DPH6: variants seen among roughly 807,000 people sequenced by gnomAD.
The protein encoded by DPH6 is diphthamine biosynthesis 6.
DPH6 carries 33 observed loss-of-function variants against 38.2 expected under a neutral mutation model. That is an observed-to-expected ratio of 0.86 (90% CI 0.65 to 1.15). The LOEUF is 1.15. Ranked by LOEUF, DPH6 falls within the 50% of genes most tolerant of loss-of-function variation. The pLI is 0.00. For missense variants in DPH6, 325 were observed against 320.0 expected (o/e 1.02, Z -0.12); for synonymous variants, 108 against 103.0 (o/e 1.05, Z -0.30).
the DPH6 span, among the ~76,000 whole-genome samples, chr15:35,200,554 A>T: frequency 6.6e-6 from 1 of 152,116 alleles, no homozygotes; most frequent in Admixed American, 6.6e-5. Context: ...TATTTACTGC[A>T]TGCCTACTAT....
intron 3 of DPH6, among the ~76,000 whole-genome samples, chr15:35,477,424 C>T (rs1339708976): frequency 6.6e-6 from 1 of 151,666 alleles, no homozygotes; most frequent in East Asian, 1.9e-4. Context: ...AGGTATACTA[C>T]AAACATAGGT....
chr15:35,498,943 TAAAA>T (rs61542040), intron 3 of DPH6, among the ~76,000 whole-genome samples: 7 of 108,428 alleles, frequency 6.5e-5, no homozygotes, highest in African/African-American at 2.2e-4. Flanking sequence ...CCTCATCTCT[TAAAA>T]AAAAAAAAAA....
At chr15:35,315,836 C>A (rs138414266) in intron 3 of DPH6, among the ~76,000 whole-genome samples, 5 of 152,190 alleles carry the variant, frequency 3.3e-5, no homozygotes, top group African/African-American at 1.2e-4. Context: ...GGTATAGATA[C>A]ACAATGAAAT....
chr15:35,457,056 C>A (rs1056087338), intron 3 of DPH6, among the ~76,000 whole-genome samples: 1 of 152,032 alleles, frequency 6.6e-6, no homozygotes, highest in South Asian at 2.1e-4. Flanking sequence ...AGGGTTCAAG[C>A]GATTCTTCTG....
chr15:35,204,338 C>T, the DPH6 span, among the ~76,000 whole-genome samples: 29 of 151,812 alleles, frequency 1.9e-4, no homozygotes, highest in South Asian at 3.7e-3. Context: ...TGTTATTGGG[C>T]GTCCTCTTAT....
rs540973750 is a variant in DPH6 at position 35,475,607 on chromosome 15, T to C, written c.313-20787A>G. Among the ~76,000 whole-genome samples the C allele has an allele frequency of 9.9e-5, 15 of 152,054 alleles. No homozygotes were observed. The South Asian group carries it at 2.9e-3, about 29-fold the overall frequency. On this transcript the variant is annotated intron_variant, in intron 3 of 8. Transcript: ENST00000256538. ...TATTTTATGGTCAATTACAGAAAAG[T>C]AGACTTTTCTGATGTTGTTGCTAAA...
chr15:35,309,122 C>T (rs940225244), intron 3 of DPH6, among the ~76,000 whole-genome samples: 2 of 152,244 alleles, frequency 1.3e-5, no homozygotes, highest in Non-Finnish European at 2.9e-5. Flanking sequence ...GTGCAGCCTT[C>T]TGGCAGTGTT....
rs552030740 is a variant in DPH6 at position 35,237,141 on chromosome 15, C to A, written n.201-16559G>T. On this transcript the variant is annotated intron_variant and non_coding_transcript_variant, in intron 3 of 3. Transcript: ENST00000560386. Reference sequence around the variant, plus strand: ...ACTTGATGGTAATCTTTACAAAAACCTCTCCCAGTTTCCTTATTTAAAAAT... The same window carrying A: ...ACTTGATGGTAATCTTTACAAAAACATCTCCCAGTTTCCTTATTTAAAAAT... The A allele has an allele frequency of 6.1e-5, 36 of 591,032 alleles. No homozygotes were observed. The Admixed American group carries it at 8.5e-4, about 14-fold the overall frequency. The allele number at this position is 591,032 out of a possible 1,614,324, so 36.6% of individuals were successfully genotyped here.
chr15:35,276,562 T>C (rs146149851), intron 3 of DPH6, among the ~76,000 whole-genome samples: 108 of 152,362 alleles, frequency 7.1e-4, no homozygotes, highest in African/African-American at 2.5e-3. Context: ...TTTTTATAGT[T>C]TCAAGTCTTA....
chr15:35,462,036 T>C (rs558751705), intron 3 of DPH6, among the ~76,000 whole-genome samples: 2 of 152,210 alleles, frequency 1.3e-5, no homozygotes, highest in African/African-American at 4.8e-5. Flanking sequence ...TATATTGTTA[T>C]TCAGGCCAAA....
intron 3 of DPH6, chr15:35,238,105 T>A (rs2051568812): frequency 2.1e-6 from 3 of 1,424,226 alleles, no homozygotes; most frequent in Non-Finnish European, 3.0e-6. Flanking sequence ...GTGATTTGAC[T>A]GTTTTTACCC....
At chr15:35,397,707 T>C (rs918551851) in intron 6 of DPH6, among the ~76,000 whole-genome samples, 1 of 152,100 alleles carries the variant, frequency 6.6e-6, no homozygotes, top group African/African-American at 2.4e-5. Flanking sequence ...GTCAGATTCT[T>C]AGGTCCCTCT....
At chr15:35,287,639 T>C (rs2051952489) in intron 3 of DPH6, among the ~76,000 whole-genome samples, 1 of 152,172 alleles carries the variant, frequency 6.6e-6, no homozygotes, top group Non-Finnish European at 1.5e-5. Context: ...ACGAACAGTG[T>C]AGTAAGAAGA....
intron 3 of DPH6, among the ~76,000 whole-genome samples, chr15:35,361,383 T>C (rs1303404958): frequency 6.6e-6 from 1 of 152,226 alleles, no homozygotes; most frequent in Non-Finnish European, 1.5e-5. Flanking sequence ...TTTCAACAGT[T>C]TGATTGTAAT....
rs181974113 is a variant in DPH6 at position 35,356,062 on chromosome 15, C to T, written n.207+17459G>A. ...TCTTCCATCATTGATACCCTTTCTT[C>T]CAGTTGATCGAATCGGTATTGAAGC... On this transcript the variant is annotated intron_variant and non_coding_transcript_variant, in intron 3 of 3. Transcript: ENST00000558973. Among the ~76,000 whole-genome samples, 6 of 152,316 alleles carry T rather than the reference C, an allele frequency of 3.9e-5. No individual in the cohort carries two copies. In the East Asian group the frequency reaches 9.6e-4, roughly 24 times the overall value.
chr15:35,190,513 T>A, the DPH6 span, among the ~76,000 whole-genome samples: 7 of 152,152 alleles, frequency 4.6e-5, no homozygotes, highest in African/African-American at 1.7e-4. Context: ...CTGGTCCAGG[T>A]GGTGTCTGCT....
intron 6 of DPH6, among the ~76,000 whole-genome samples, chr15:35,386,265 G>A (rs2052955604): frequency 6.6e-6 from 1 of 152,150 alleles, no homozygotes; most frequent in Non-Finnish European, 1.5e-5. Flanking sequence ...AATCTGGGTT[G>A]GTTCCAAGTC....
intron 3 of DPH6, among the ~76,000 whole-genome samples, chr15:35,347,960 T>C (rs982992480): frequency 1.3e-5 from 2 of 152,164 alleles, no homozygotes; most frequent in African/African-American, 2.4e-5. Flanking sequence ...AAAATGTCTA[T>C]TCAAGTCCTT....
intron 6 of DPH6, among the ~76,000 whole-genome samples, chr15:35,391,125 TG>T (rs2053050225): frequency 6.6e-6 from 1 of 152,192 alleles, no homozygotes; most frequent in Admixed American, 6.5e-5. Context: ...CCTATTTGCC[TG>T]GGTATCAGCA....
Sources: gnomAD v4.1 joint callset for allele counts (sites outside exome capture counted in the v4.1 genomes callset) on GRCh38, gnomAD v4.1.1 for gene constraint, MANE v1.5 for transcripts, NCBI Gene and HGNC (gene_info 2026-07-23, HGNC 2026-07-21) for gene names.